Variants in PPP2R3C observed in about 807,000 individuals in gnomAD.
The protein encoded by PPP2R3C is serine/threonine-protein phosphatase 2A regulatory subunit B'' subunit gamma.
PPP2R3C carries 47 observed loss-of-function variants against 63.7 expected under a neutral mutation model. The observed-to-expected ratio is 0.74, with a 90% CI of 0.58 to 0.94. PPP2R3C has a LOEUF of 0.94. Ranked by LOEUF, PPP2R3C falls within the 40% of genes least tolerant of loss-of-function variation. The pLI, the probability that PPP2R3C is intolerant of heterozygous loss-of-function variation, is 0.00. For missense variants in PPP2R3C, 421 were observed against 518.4 expected (o/e 0.81, Z 1.82); for synonymous variants, 180 against 177.4 (o/e 1.01, Z -0.12).
intron 1 of PPP2R3C, among the ~76,000 whole-genome samples, chr14:35,118,868 G>C (rs1234165304): frequency 6.6e-6 from 1 of 151,890 alleles, no homozygotes; most frequent in Non-Finnish European, 1.5e-5. Flanking sequence ...TGGCCAGGCT[G>C]GTCTGTCTCC....
At chr14:35,111,638 G>A (rs2046562740) in intron 2 of PPP2R3C, among the ~76,000 whole-genome samples, 1 of 152,166 alleles carries the variant, frequency 6.6e-6, no homozygotes, top group African/African-American at 2.4e-5. Context: ...AATTACTCCT[G>A]TAAATAACAT....
chr14:35,103,604 C>G (rs939602668), intron 6 of PPP2R3C, among the ~76,000 whole-genome samples: 3 of 151,808 alleles, frequency 2.0e-5, no homozygotes, highest in African/African-American at 7.3e-5. Context: ...GTACTGTGTC[C>G]CTGGAAAGGT....
At chr14:35,120,967 G>A (rs1055565949) in intron 1 of PPP2R3C, among the ~76,000 whole-genome samples, 3 of 151,912 alleles carry the variant, frequency 2.0e-5, no homozygotes, top group Non-Finnish European at 4.4e-5. Context: ...AGTGTATTTA[G>A]GAAAACACAG....
chr14:35,110,463 G>T (rs2046515843), intron 3 of PPP2R3C, 62 bp downstream of exon 3: 2 of 1,145,402 alleles, frequency 1.7e-6, no homozygotes, highest in Admixed American at 2.0e-5. Flanking sequence ...AATCCTGCAT[G>T]ATTTAAGTAG....
At chr14:35,097,087 C>T (rs538164086) in intron 7 of PPP2R3C, among the ~76,000 whole-genome samples, 3 of 152,000 alleles carry the variant, frequency 2.0e-5, no homozygotes, top group East Asian at 1.9e-4. Context: ...TGGTGGAGGG[C>T]GCCTGTAATC....
At chr14:35,119,155 A>G (rs1363418978) in intron 1 of PPP2R3C, among the ~76,000 whole-genome samples, 1 of 151,252 alleles carries the variant, frequency 6.6e-6, no homozygotes, top group Non-Finnish European at 1.5e-5. Flanking sequence ...CTCCCGCTTC[A>G]GCCTCCCAAG....
At chr14:35,118,358 A>C (rs1566429582) in intron 1 of PPP2R3C, among the ~76,000 whole-genome samples, 1 of 152,228 alleles carries the variant, frequency 6.6e-6, no homozygotes, top group Non-Finnish European at 1.5e-5. Flanking sequence ...GCAAGAGTAC[A>C]TCCTTCAGCA....
At chr14:35,093,249 C>A (rs2045887474) in intron 10 of PPP2R3C, among the ~76,000 whole-genome samples, 1 of 151,926 alleles carries the variant, frequency 6.6e-6, no homozygotes, top group South Asian at 2.1e-4. Context: ...AACAAAAAAA[C>A]AGGATACTCA....
At chr14:35,106,276 G>A (rs1344688951) in intron 6 of PPP2R3C, 1 of 152,228 alleles carries the variant, frequency 6.6e-6, no homozygotes, top group Non-Finnish European at 1.5e-5. Context: ...CTTTTCCTTT[G>A]GCATGTTTAA....
chr14:35,085,690 G>A lies in PPP2R3C; in HGVS notation c.1262C>T (p.Thr421Ile). 6.2e-7 allele frequency: 1 copy of A among 1,612,520 alleles called. No homozygotes were observed. The highest frequency in any genetic ancestry group is 8.5e-7 in the Non-Finnish European group (1 of 1,178,620). ...LINSNQGDTV[T>I]TILIDLNGFW... Reference sequence around the variant, plus strand: ...GCCATTCAAATCGATTAGAATGGTGGTTACTGTGTCTCCTTGATTACTGTT... The same window carrying A: ...GCCATTCAAATCGATTAGAATGGTGATTACTGTGTCTCCTTGATTACTGTT... Residue 421 changes from threonine to isoleucine, a missense_variant, in exon 13 of 13, where the codon ACC becomes ATC. By Grantham distance (89) the Thr-to-Ile change is moderately conservative (BLOSUM62 -1). This residue lies in a region of PPP2R3C where 231 missense variants were observed against 264.8 expected (regional missense o/e 0.87). Transcript: ENST00000261475.
intron 6 of PPP2R3C, chr14:35,100,321 T>C (rs936580928): frequency 5.3e-5 from 8 of 152,148 alleles, no homozygotes; most frequent in Non-Finnish European, 1.2e-4. Flanking sequence ...AGAATACAAT[T>C]TCTATAAGTG....
intron 1 of PPP2R3C, among the ~76,000 whole-genome samples, chr14:35,117,333 T>C (rs1332959922): frequency 6.6e-6 from 1 of 152,224 alleles, no homozygotes; most frequent in Non-Finnish European, 1.5e-5. Flanking sequence ...TGGTACACAG[T>C]GTTCTTCACA....
intron 1 of PPP2R3C, among the ~76,000 whole-genome samples, chr14:35,121,143 C>T (rs1183570087): frequency 6.6e-6 from 1 of 152,070 alleles, no homozygotes; most frequent in Non-Finnish European, 1.5e-5. Context: ...CTTTGGGAGG[C>T]CGAGGTGGGC....
chr14:35,103,195 G>A lies in PPP2R3C; in HGVS notation c.574-3811C>T, dbSNP rs921122436. Among the ~76,000 whole-genome samples, 5 of 152,162 alleles carry A rather than the reference G, an allele frequency of 3.3e-5. 1 individual carries two copies. The highest frequency in any genetic ancestry group is 4.8e-5 in the African/African-American group (2 of 41,430). The stretch of plus-strand genomic sequence containing the variant: ...TCAAAATAAATCCAAAGTCCTTACT[G>A]TGGCCCAAAAGGCCCTACATGTGGC... On this transcript the variant is annotated intron_variant, in intron 6 of 12. Transcript: ENST00000261475.
chr14:35,089,885 T>G (rs2045741176), intron 11 of PPP2R3C, among the ~76,000 whole-genome samples: 1 of 152,002 alleles, frequency 6.6e-6, no homozygotes, highest in Admixed American at 6.6e-5. Flanking sequence ...GAGGATGGTT[T>G]TGATCTCCTG....
At chr14:35,114,235 T>G (rs2046643549) in intron 2 of PPP2R3C, among the ~76,000 whole-genome samples, 1 of 152,242 alleles carries the variant, frequency 6.6e-6, no homozygotes, top group African/African-American at 2.4e-5. Context: ...TAAAATGTTC[T>G]GTTTACATTG....
intron 7 of PPP2R3C, 70 bp from the exon 8 acceptor site, chr14:35,096,834 AT>A (rs935598363): frequency 1.5e-5 from 21 of 1,364,290 alleles, no homozygotes; most frequent in East Asian, 5.0e-5. Flanking sequence ...TTAAAAAAAA[AT>A]TTTTTTAACA....
intron 11 of PPP2R3C, among the ~76,000 whole-genome samples, chr14:35,088,358 C>T (rs1166549709): frequency 1.3e-5 from 2 of 152,204 alleles, no homozygotes; most frequent in Admixed American, 6.6e-5. Flanking sequence ...CTGCTCCTCT[C>T]ATTTTCCATG....
rs1394401773 is a variant in PPP2R3C at position 35,085,532 on chromosome 14, G to A, written c.*58C>T. On this transcript the variant is annotated 3_prime_UTR_variant, in exon 13 of 13. Transcript: ENST00000261475. ...CCATTTCTGAGGATTTTGCTTTAAAGGCTTTACATGCAGCATTCAAGTATC... is the reference window on the plus strand; with the variant it reads ...CCATTTCTGAGGATTTTGCTTTAAAAGCTTTACATGCAGCATTCAAGTATC... 5.1e-5 allele frequency: 73 copies of A among 1,432,154 alleles called. No individual in the cohort carries two copies. The highest frequency in any genetic ancestry group is 6.6e-5 in the Non-Finnish European group (71 of 1,067,964). 88.7% of individuals were successfully genotyped at this position (1,432,154 alleles called of 1,614,324 possible). A position where few individuals can be genotyped will look rare whatever the true frequency, so the allele number is the denominator to read the frequency against.
Sources: allele counts gnomAD v4.1 joint callset (sites outside exome capture counted in the v4.1 genomes callset), GRCh38; gene constraint gnomAD v4.1.1; regional missense constraint gnomAD v4.1.1; transcripts MANE v1.5; gene names NCBI Gene and HGNC (gene_info 2026-07-23, HGNC 2026-07-21).